Variants in PTN observed in about 807,000 individuals in gnomAD.
The protein encoded by PTN is pleiotrophin.
Under a neutral mutation model 24.1 loss-of-function variants are expected in PTN, and 18 were observed. The observed-to-expected ratio is 0.75, with a 90% CI of 0.52 to 1.11. PTN has a LOEUF of 1.11. Ranked by LOEUF, PTN falls within the 50% of genes least tolerant of loss-of-function variation. The pLI is 0.00. For synonymous variants in PTN, 78 were observed against 68.6 expected (o/e 1.14, Z -0.67); for missense variants, 163 against 198.8 (o/e 0.82, Z 1.08).
intron 1 of PTN, among the ~76,000 whole-genome samples, chr7:137,334,219 G>A (rs1379537348): frequency 6.8e-6 from 1 of 146,790 alleles, no homozygotes; most frequent in Non-Finnish European, 1.5e-5. Flanking sequence ...AAGAGCTTCT[G>A]CACAGCAAAA....
At chr7:137,265,353 A>G (rs2128873335) in intron 1 of PTN, among the ~76,000 whole-genome samples, 1 of 152,162 alleles carries the variant, frequency 6.6e-6, no homozygotes, top group African/African-American at 2.4e-5. Flanking sequence ...TATAAGTGCC[A>G]CTCCAGTTAT....
intron 1 of PTN, among the ~76,000 whole-genome samples, chr7:137,285,619 G>A (rs931192193): frequency 9.2e-5 from 14 of 152,096 alleles, no homozygotes; most frequent in African/African-American, 2.4e-4. Flanking sequence ...GCAGTGAACC[G>A]AGACAGCACC....
At chr7:137,230,165 T>G (rs2128867032) in intron 4 of PTN, among the ~76,000 whole-genome samples, 1 of 151,956 alleles carries the variant, frequency 6.6e-6, no homozygotes, top group South Asian at 2.1e-4. Flanking sequence ...TTCATAAAAC[T>G]TAAAATTATT....
chr7:137,267,795 G>A (rs1413042976), intron 1 of PTN, among the ~76,000 whole-genome samples: 6 of 151,928 alleles, frequency 3.9e-5, no homozygotes, highest in Non-Finnish European at 7.4e-5. Context: ...AACCAAAATC[G>A]GAGTATCAGG....
At chr7:137,310,286 G>C (rs962359664) in intron 1 of PTN, among the ~76,000 whole-genome samples, 1 of 151,918 alleles carries the variant, frequency 6.6e-6, no homozygotes, top group Admixed American at 6.6e-5. Flanking sequence ...AGGCTCTGTT[G>C]TTCCTTTGAT....
At chr7:137,286,039 T>A (rs1288727886) in intron 1 of PTN, among the ~76,000 whole-genome samples, 1 of 152,198 alleles carries the variant, frequency 6.6e-6, no homozygotes, top group Non-Finnish European at 1.5e-5. Context: ...TATATTGGTA[T>A]CCAATCAAAA....
intron 2 of PTN, 100 bp downstream of exon 2, chr7:137,254,759 G>A (rs1808889804): frequency 8.9e-6 from 6 of 670,568 alleles, no homozygotes; most frequent in South Asian, 9.4e-5. Flanking sequence ...GGAATAGGAA[G>A]GGAGAGAGGC....
chr7:137,278,011 A>T (rs1309986466), intron 1 of PTN, among the ~76,000 whole-genome samples: 1 of 152,164 alleles, frequency 6.6e-6, no homozygotes, highest in Non-Finnish European at 1.5e-5. Flanking sequence ...TTCATTTTTT[A>T]AAAAATGACT....
intron 1 of PTN, among the ~76,000 whole-genome samples, chr7:137,285,481 C>A (rs1164965193): frequency 6.6e-6 from 1 of 152,146 alleles, no homozygotes; most frequent in African/African-American, 2.4e-5. Flanking sequence ...GCCTGGCCAA[C>A]ACGGTAAAAC....
At chr7:137,256,860 G>T (rs1320719182) in intron 1 of PTN, among the ~76,000 whole-genome samples, 1 of 152,104 alleles carries the variant, frequency 6.6e-6, no homozygotes. Context: ...CAAAGGATAT[G>T]ACAGACACTT....
At chr7:137,286,055 G>T (rs1809548834) in intron 1 of PTN, among the ~76,000 whole-genome samples, 1 of 152,094 alleles carries the variant, frequency 6.6e-6, no homozygotes, top group Non-Finnish European at 1.5e-5. Flanking sequence ...CAAAATAAAA[G>T]AAAACATGGG....
At chr7:137,306,900 T>G (rs1809898170) in intron 1 of PTN, among the ~76,000 whole-genome samples, 2 of 152,204 alleles carry the variant, frequency 1.3e-5, no homozygotes, top group East Asian at 1.9e-4. Flanking sequence ...GATATCCACC[T>G]TTAGTGCTGG....
chr7:137,338,186 C>A (rs1359534896), intron 1 of PTN, among the ~76,000 whole-genome samples: 2 of 152,148 alleles, frequency 1.3e-5, no homozygotes, highest in Non-Finnish European at 2.9e-5. Context: ...AATTCCACAG[C>A]TGAAGTACAA....
intron 1 of PTN, among the ~76,000 whole-genome samples, chr7:137,283,038 T>C (rs1809497194): frequency 6.6e-6 from 1 of 152,086 alleles, no homozygotes; most frequent in Non-Finnish European, 1.5e-5. Context: ...GCAGGAAATA[T>C]CAAAGAGCCT....
chr7:137,308,904 T>C (rs1007606436), intron 1 of PTN, among the ~76,000 whole-genome samples: 1 of 152,216 alleles, frequency 6.6e-6, no homozygotes, highest in African/African-American at 2.4e-5. Context: ...GAAAATTAAG[T>C]TACCTCTAAA....
intron 1 of PTN, among the ~76,000 whole-genome samples, chr7:137,264,869 T>G (rs186925215): frequency 6.6e-6 from 1 of 152,284 alleles, no homozygotes; most frequent in Admixed American, 6.5e-5. Context: ...GCCAGGGACC[T>G]TAGACATGGG....
chr7:137,250,736 C>CA (rs915989582), intron 4 of PTN, among the ~76,000 whole-genome samples: 39 of 152,092 alleles, frequency 2.6e-4, no homozygotes, highest in African/African-American at 8.0e-4. Context: ...AAATTGAACT[C>CA]AAAAAATATA....
intron 1 of PTN, among the ~76,000 whole-genome samples, chr7:137,294,230 A>G (rs1809684200): frequency 6.6e-6 from 1 of 152,090 alleles, no homozygotes. Context: ...CATTCTAGCC[A>G]TAGCTCGGGT....
chr7:137,289,133 G>A (rs1809602215), intron 1 of PTN, among the ~76,000 whole-genome samples: 1 of 152,134 alleles, frequency 6.6e-6, no homozygotes, highest in Admixed American at 6.5e-5. Context: ...CTCAACTCAG[G>A]AGAAGTGGTA....
Sources: gnomAD v4.1 joint callset for allele counts (sites outside exome capture counted in the v4.1 genomes callset) on GRCh38, gnomAD v4.1.1 for gene constraint, MANE v1.5 for transcripts, NCBI Gene and HGNC (gene_info 2026-07-23, HGNC 2026-07-21) for gene names.